The following DGKB variants were observed in gnomAD, a reference collection of about 807,000 sequenced individuals.
DGKB encodes the protein 90 kDa diacylglycerol kinase.
In DGKB, 67 loss-of-function variants were observed where a neutral mutation model predicts 114.3. The ratio of observed to expected loss-of-function variants is 0.59; its 90% confidence interval spans 0.48 to 0.72. The LOEUF (loss-of-function observed/expected upper bound fraction) is 0.72, where lower values mean the gene tolerates loss of function less well. Ranked by LOEUF, DGKB falls within the 30% of genes least tolerant of loss-of-function variation. The pLI, the probability that DGKB is intolerant of heterozygous loss-of-function variation, is 0.00. For synonymous variants in DGKB, 398 were observed against 323.1 expected (o/e 1.23, Z -2.49); for missense variants, 907 against 975.2 (o/e 0.93, Z 0.93).
chr7:14,666,340 G>A (rs1818019598), intron 13 of DGKB, among the ~76,000 whole-genome samples: 2 of 151,976 alleles, frequency 1.3e-5, no homozygotes, highest in Non-Finnish European at 2.9e-5. Flanking sequence ...AAACTGAGAA[G>A]GGCTAAAACA....
chr7:14,301,132 A>C (rs1295680568), intron 23 of DGKB, among the ~76,000 whole-genome samples: 1 of 152,120 alleles, frequency 6.6e-6, no homozygotes, highest in Non-Finnish European at 1.5e-5. Flanking sequence ...ATCTGTTTGC[A>C]GTCTTTGATA....
chr7:14,457,685 G>C (rs1301393096), intron 21 of DGKB, among the ~76,000 whole-genome samples: 5 of 152,116 alleles, frequency 3.3e-5, no homozygotes, highest in African/African-American at 9.7e-5. Context: ...AACTTGTCTT[G>C]TTCATCAAAT....
chr7:14,231,576 GTA>G (rs1491366483), intron 23 of DGKB, among the ~76,000 whole-genome samples: 2 of 143,132 alleles, frequency 1.4e-5, no homozygotes, highest in African/African-American at 5.0e-5. Flanking sequence ...TTTTATGTGT[GTA>G]TATGTTTATT....
rs186012778 is a variant in DGKB, at chr7:14,688,649, G to C, written c.712-3287C>G. ...TGAAGCTGTTCAGGTCCGTGTTTAT[G>C]ACAGATAAATGCTTAATGAATCCTA... is the stretch of plus-strand genomic sequence containing the variant. On this transcript the variant is annotated intron_variant, in intron 9 of 25. Coordinates refer to ENST00000402815, the MANE Select transcript of DGKB (RefSeq NM_001350709.2). 5.5e-3 allele frequency among the ~76,000 whole-genome samples: 832 copies of C among 152,264 alleles called. 6 individuals are homozygous for C. The highest frequency in any genetic ancestry group is 8.2e-3 in the Non-Finnish European group (561 of 68,010).
At position 14,405,792 on chromosome 7, in the gene DGKB, A is replaced by G. The variant is rs531430615; in HGVS notation, c.1836-60401T>C. Among the ~76,000 whole-genome samples the G allele has an allele frequency of 5.3e-5, 8 of 152,142 alleles. No homozygotes were observed. In the South Asian group the frequency reaches 1.7e-3, roughly 32 times the overall value. Reference sequence around the variant, plus strand: ...ATGATGTCTAGAATGGGACCTAAAGAAGAAGGAGCTCTCCATGCAAAAATA... The same window carrying G: ...ATGATGTCTAGAATGGGACCTAAAGGAGAAGGAGCTCTCCATGCAAAAATA... On this transcript the variant is annotated intron_variant, in intron 21 of 25. Coordinates refer to ENST00000402815, the MANE Select transcript of DGKB (RefSeq NM_001350709.2).
chr7:14,588,021 A>C (rs950935018), intron 17 of DGKB, among the ~76,000 whole-genome samples: 1 of 152,108 alleles, frequency 6.6e-6, no homozygotes, highest in African/African-American at 2.4e-5. Context: ...TGGCCACTTT[A>C]GAGTAATGCA....
In DGKB at chr7:14,475,458, A is replaced by C. The variant is rs970651353; in HGVS notation, c.1835+2703T>G. Among the ~76,000 whole-genome samples, 28 of 152,162 alleles carry C rather than the reference A, an allele frequency of 1.8e-4. 1 individual carries two copies. Among genetic ancestry groups the C allele is most frequent in the African/African-American group, 7.2e-5 (3 of 41,444 alleles). On this transcript the variant is annotated intron_variant, in intron 21 of 25. Transcript: ENST00000402815. The stretch of plus-strand genomic sequence containing the variant: ...ATGATAACTGTAGACTTAATCTGCA[A>C]ATGTATAGATTGAAACATACATGCC...
intron 5 of DGKB, among the ~76,000 whole-genome samples, chr7:14,723,064 G>T (rs921052980): frequency 6.7e-6 from 1 of 148,980 alleles, no homozygotes; most frequent in African/African-American, 2.5e-5. Flanking sequence ...TCTGGCTGAA[G>T]CTCACTACTT....
At chr7:14,408,935 C>T (rs75478654) in intron 21 of DGKB, among the ~76,000 whole-genome samples, 1 of 151,968 alleles carries the variant, frequency 6.6e-6, no homozygotes, top group Non-Finnish European at 1.5e-5. Flanking sequence ...TATGTAGATG[C>T]TAGTTTAGTT....
intron 21 of DGKB, among the ~76,000 whole-genome samples, chr7:14,371,996 A>C (rs894772288): frequency 3.3e-5 from 5 of 152,164 alleles, no homozygotes; most frequent in African/African-American, 1.2e-4. Context: ...CACCTGGATT[A>C]AAAATGGCCT....
intron 2 of DGKB, among the ~76,000 whole-genome samples, chr7:14,830,744 C>G (rs1157658041): frequency 6.6e-6 from 1 of 152,090 alleles, no homozygotes; most frequent in Non-Finnish European, 1.5e-5. Context: ...GAGTTTCATT[C>G]ACTTGCAAGA....
At chr7:14,836,141 C>T (rs965190525) in intron 2 of DGKB, among the ~76,000 whole-genome samples, 3 of 152,100 alleles carry the variant, frequency 2.0e-5, no homozygotes, top group African/African-American at 2.4e-5. Context: ...GATTCCACAC[C>T]GTCAAATATT....
chr7:14,293,857 T>G (rs1450585927), intron 23 of DGKB, among the ~76,000 whole-genome samples: 2 of 152,184 alleles, frequency 1.3e-5, no homozygotes, highest in Admixed American at 6.6e-5. Flanking sequence ...ACAACCTTCC[T>G]CTCTGACTTT....
intron 13 of DGKB, among the ~76,000 whole-genome samples, chr7:14,662,652 T>C (rs1817357119): frequency 6.6e-6 from 1 of 151,910 alleles, no homozygotes; most frequent in Non-Finnish European, 1.5e-5. Flanking sequence ...AACAGTGATG[T>C]CCCATAGTAT....
Position 14,184,440 on chromosome 7 carries a change from C to T in DGKB, c.2123-6289G>A, listed in dbSNP as rs189871962. Among the ~76,000 whole-genome samples the T allele has an allele frequency of 3.1e-3, 470 of 152,206 alleles. 1 individual carries two copies. The highest frequency in any genetic ancestry group is 0.011 in the African/African-American group (440 of 41,538). Reference sequence around the variant, plus strand: ...ACTAACTCGGGTCTGTTCGTGGGGGCACGGTGAGAGTTAGAACGGGCCTTC... The same window carrying T: ...ACTAACTCGGGTCTGTTCGTGGGGGTACGGTGAGAGTTAGAACGGGCCTTC... On this transcript the variant is annotated intron_variant, in intron 23 of 25. Coordinates refer to ENST00000402815, the MANE Select transcript of DGKB (RefSeq NM_001350709.2).
intron 21 of DGKB, among the ~76,000 whole-genome samples, chr7:14,364,106 G>A (rs754033053): frequency 5.9e-5 from 9 of 152,044 alleles, no homozygotes; most frequent in East Asian, 3.9e-4. Flanking sequence ...TGAAAGTGAC[G>A]AAATTTTTCT....
chr7:14,222,463 T>C (rs1790144470), intron 23 of DGKB, among the ~76,000 whole-genome samples: 1 of 151,410 alleles, frequency 6.6e-6, no homozygotes, highest in Non-Finnish European at 1.5e-5. Context: ...TCTTTTGTTA[T>C]TGATTTCTAA....
intron 13 of DGKB, among the ~76,000 whole-genome samples, chr7:14,671,220 G>A (rs948184157): frequency 3.9e-5 from 6 of 152,124 alleles, no homozygotes; most frequent in African/African-American, 1.4e-4. Context: ...ACATGGGCAT[G>A]TCGACATTGT....
intron 5 of DGKB, among the ~76,000 whole-genome samples, chr7:14,723,020 T>TATTTATTC (rs1564015918): frequency 1.3e-5 from 2 of 150,884 alleles, no homozygotes; most frequent in African/African-American, 4.9e-5. Context: ...TTTATTTATT[T>TATTTATTC]ATTCATTTTT....
Sources: gnomAD v4.1 joint callset for allele counts (sites outside exome capture counted in the v4.1 genomes callset) on GRCh38, gnomAD v4.1.1 for gene constraint, MANE v1.5 for transcripts, NCBI Gene and HGNC (gene_info 2026-07-23, HGNC 2026-07-21) for gene names.